Variants in DOCK10 observed in about 807,000 individuals in gnomAD.
DOCK10 encodes dedicator of cytokinesis 10, also known as dedicator of cytokinesis protein 10.
Under a neutral mutation model 280.1 loss-of-function variants are expected in DOCK10, and 145 were observed. That is an observed-to-expected ratio of 0.52 (90% CI 0.45 to 0.59). DOCK10 has a LOEUF of 0.59. DOCK10 is among the 20% of genes least tolerant of loss of function. The pLI, the probability that DOCK10 is intolerant of heterozygous loss-of-function variation, is 0.00. For missense variants in DOCK10, 2,368 were observed against 2,651.7 expected (o/e 0.89, Z 2.35); for synonymous variants, 915 against 942.2 (o/e 0.97, Z 0.53).
chr2:224,985,732 C>A (rs1428314750), intron 1 of DOCK10, among the ~76,000 whole-genome samples: 1 of 152,060 alleles, frequency 6.6e-6, no homozygotes, highest in Non-Finnish European at 1.5e-5. Flanking sequence ...GTCCACCTAC[C>A]CAGCTGTAGA....
intron 45 of DOCK10, among the ~76,000 whole-genome samples, chr2:224,794,163 C>G (rs757500532): frequency 6.6e-6 from 1 of 152,206 alleles, no homozygotes; most frequent in Non-Finnish European, 1.5e-5. Context: ...GCCAAGCCAG[C>G]CTTCTGGTTT....
At chr2:224,952,601 T>A (rs1223002727) in intron 1 of DOCK10, among the ~76,000 whole-genome samples, 2 of 151,550 alleles carry the variant, frequency 1.3e-5, no homozygotes, top group African/African-American at 4.9e-5. Context: ...TATTTTTTTT[T>A]TTTTTTTTTG....
intron 27 of DOCK10, among the ~76,000 whole-genome samples, chr2:224,827,133 T>G (rs1343458340): frequency 1.3e-5 from 2 of 151,464 alleles, no homozygotes; most frequent in East Asian, 3.9e-4. Context: ...TGTGGTGGCA[T>G]GCACCTGTAA....
At chr2:224,804,009 TG>T in intron 39 of DOCK10, 102 bp downstream of exon 39, 1 of 591,860 alleles carries the variant, frequency 1.7e-6, no homozygotes, top group Non-Finnish European at 2.9e-6. Context: ...TATGTGTGTG[TG>T]TGTGTGTGTG....
At chr2:224,902,819 C>T (rs765136746) in intron 3 of DOCK10, among the ~76,000 whole-genome samples, 1 of 151,800 alleles carries the variant, frequency 6.6e-6, no homozygotes, top group African/African-American at 2.4e-5. Context: ...CTTGGCTGGG[C>T]GCGGTGGCTC....
rs774792715 is a variant in DOCK10 at position 224,853,033 on chromosome 2, C to T, written c.1978G>A (p.Asp660Asn). The change falls in exon 17 of 56, where the codon GAT becomes AAT. Residue 660 changes from aspartate (D) to asparagine (N), a missense_variant. Transcript: ENST00000258390. Reference protein sequence around the residue: ...PTVEVEEFVYDSTKYCRPYRV... With the variant: ...PTVEVEEFVYNSTKYCRPYRV... ...TAAGGCCGACAATACTTTGTTGAATCGTAAACAAATTCTTCCACCTCCACT... is the reference window on the plus strand; with the variant it reads ...TAAGGCCGACAATACTTTGTTGAATTGTAAACAAATTCTTCCACCTCCACT... 15 of 1,611,682 alleles carry T rather than the reference C, an allele frequency of 9.3e-6. No homozygotes were observed. Among genetic ancestry groups the T allele is most frequent in the Middle Eastern group, 1.6e-4 (1 of 6,070 alleles).
At chr2:224,768,992 G>A in intron 55 of DOCK10, 2 of 450,780 alleles carry the variant, frequency 4.4e-6, no homozygotes, top group Non-Finnish European at 8.9e-6. Flanking sequence ...AAGTTTCTAG[G>A]TCAGATGTGA....
rs954501895 is a variant in DOCK10 at position 225,042,196 on chromosome 2, G to A, written c.123+56C>T. On this transcript the variant is annotated intron_variant, in intron 1 of 55. Transcript: ENST00000258390. The surrounding 1 kb of genome is among the most constrained non-coding windows in gnomAD (Gnocchi z 5.1). ...CGAGCTTTTGGGGAAGCTGGGCTCC[G>A]TTCCCCCCGGGCGCCTGGGGCGCGC... 5.1e-5 allele frequency: 63 copies of A among 1,226,166 alleles called. No individual in the cohort carries two copies. In the Middle Eastern group the frequency reaches 9.5e-4, roughly 19 times the overall value. The allele number at this position is 1,226,166 out of a possible 1,614,324, so 76.0% of individuals were successfully genotyped here.
At position 224,796,952 on chromosome 2, in the gene DOCK10, G is replaced by T; in HGVS notation, c.4827+12C>A. 6.2e-7 allele frequency: 1 copy of T among 1,609,238 alleles called. No individual in the cohort carries two copies. Among genetic ancestry groups the T allele is most frequent in the South Asian group, 1.1e-5 (1 of 90,490 alleles). ...TTTAACAACAGCATTAATGAAAATT[G>T]GCAGCACTTACTTGTAAGTGGGACC... On this transcript the variant is annotated intron_variant, in intron 43 of 55. Transcript: ENST00000258390.
At chr2:225,014,872 G>A (rs547378669) in intron 1 of DOCK10, among the ~76,000 whole-genome samples, 22 of 152,170 alleles carry the variant, frequency 1.4e-4, no homozygotes, top group African/African-American at 4.1e-4. Flanking sequence ...CTAATTGGTC[G>A]TTAAAAATAT....
At chr2:225,004,680 T>C (rs1706523267) in intron 1 of DOCK10, among the ~76,000 whole-genome samples, 1 of 152,222 alleles carries the variant, frequency 6.6e-6, no homozygotes, top group South Asian at 2.1e-4. Flanking sequence ...TGAAGCCACA[T>C]GTCGGCTTAA....
intron 2 of DOCK10, among the ~76,000 whole-genome samples, chr2:224,920,263 AG>A: frequency 7.0e-6 from 1 of 142,624 alleles, no homozygotes; most frequent in South Asian, 2.2e-4. Context: ...TTGTAGAGAC[AG>A]GGTCTCACCA....
At chr2:224,946,226 G>A (rs17199431) in intron 1 of DOCK10, among the ~76,000 whole-genome samples, 44,979 of 152,068 alleles carry the variant, frequency 0.3, 7,181 homozygotes, top group Middle Eastern at 0.36. Context: ...ATAAGTACAG[G>A]TTTTCAAGCT....
intron 1 of DOCK10, among the ~76,000 whole-genome samples, chr2:224,932,633 G>A (rs952905703): frequency 4.6e-5 from 7 of 152,114 alleles, no homozygotes; most frequent in African/African-American, 1.4e-4. Context: ...AAATTTGAAC[G>A]CTAAAGTGAT....
intron 1 of DOCK10, among the ~76,000 whole-genome samples, chr2:224,944,319 G>A (rs6750683): frequency 0.6 from 91,716 of 152,062 alleles, 27,927 homozygotes; most frequent in Non-Finnish European, 0.64. Context: ...CAGTGACTTC[G>A]ACTGCTGAAG....
intron 1 of DOCK10, among the ~76,000 whole-genome samples, chr2:224,979,046 C>A (rs1337972252): frequency 2.0e-5 from 3 of 152,222 alleles, no homozygotes; most frequent in Non-Finnish European, 4.4e-5. Context: ...ACAGCCTCAA[C>A]AACTACCATC....
rs1276958318 is a variant in DOCK10 at position 224,770,627 on chromosome 2, C to T, written c.6223G>A (p.Ala2075Thr). 6.2e-7 allele frequency: 1 copy of T among 1,613,724 alleles called. No individual in the cohort carries two copies. The highest frequency in any genetic ancestry group is 8.5e-7 in the Non-Finnish European group (1 of 1,179,638). Residue 2075 changes from alanine (A) to threonine (T), a missense_variant, in exon 54 of 56, where the codon GCC becomes ACC. By Grantham distance (58) the Ala-to-Thr change is moderately conservative (BLOSUM62 0). Coordinates refer to ENST00000258390, the MANE Select transcript of DOCK10 (RefSeq NM_014689.3). The surrounding 1 kb of genome is among the most constrained non-coding windows in gnomAD (Gnocchi z 4.5). ...VSVKVNAGPM[A>T]YARAFLEETN... ...TCTTCAAGAAAAGCTCGTGCATAGG[C>T]CATTGGCCCAGCATTAACCTGTTGA...
At chr2:224,811,379 A>G (rs1693762508) in intron 31 of DOCK10, among the ~76,000 whole-genome samples, 1 of 152,026 alleles carries the variant, frequency 6.6e-6, no homozygotes, top group African/African-American at 2.4e-5. Flanking sequence ...TAGATTCTGG[A>G]TATTAGCCCT....
chr2:224,820,384 C>T (rs1694430879), intron 28 of DOCK10, among the ~76,000 whole-genome samples: 1 of 152,186 alleles, frequency 6.6e-6, no homozygotes, highest in South Asian at 2.1e-4. Context: ...GAGGAAGGGA[C>T]CATAGTTCCC....
Sources: gnomAD v4.1 joint callset for allele counts (sites outside exome capture counted in the v4.1 genomes callset) on GRCh38, gnomAD v4.1.1 for gene constraint, Gnocchi (gnomAD v3.1) non-coding constraint, MANE v1.5 for transcripts, NCBI Gene and HGNC (gene_info 2026-07-23, HGNC 2026-07-21) for gene names.